The following UQCC1 variants were observed in gnomAD, a reference collection of about 807,000 sequenced individuals.
UQCC1 encodes the protein ubiquinol-cytochrome c reductase complex assembly factor 1.
Under a neutral mutation model 48.0 loss-of-function variants are expected in UQCC1, and 38 were observed. That is an observed-to-expected ratio of 0.79 (90% CI 0.61 to 1.04). The LOEUF (loss-of-function observed/expected upper bound fraction) is 1.04. UQCC1 is among the 50% of genes least tolerant of loss of function. The pLI is 0.00. For synonymous variants in UQCC1, 111 were observed against 129.2 expected (o/e 0.86, Z 0.95); for missense variants, 368 against 381.8 (o/e 0.96, Z 0.30).
chr20:35,390,780 G>A (rs1029774744), intron 2 of UQCC1, among the ~76,000 whole-genome samples: 2 of 152,036 alleles, frequency 1.3e-5, no homozygotes. Context: ...TAACCAAGTG[G>A]CCAAAGTTAT....
chr20:35,309,630 T>G (rs2060968629), intron 8 of UQCC1, among the ~76,000 whole-genome samples: 2 of 152,134 alleles, frequency 1.3e-5, no homozygotes, highest in Non-Finnish European at 2.9e-5. Context: ...CCCAATCTAA[T>G]CGGGTGCCTA....
At chr20:35,392,156 C>T (rs193073927) in intron 2 of UQCC1, 33 of 1,049,118 alleles carry the variant, frequency 3.1e-5, no homozygotes, top group Admixed American at 1.9e-4. Flanking sequence ...ACGCAGCTCA[C>T]ACATCCCATT....
intron 6 of UQCC1, among the ~76,000 whole-genome samples, chr20:35,353,404 A>G (rs2061512509): frequency 6.6e-6 from 1 of 151,960 alleles, no homozygotes; most frequent in Admixed American, 6.6e-5. Context: ...TAAAAAAAAA[A>G]AAAAAAATTT....
chr20:35,392,952 A>G (rs2062030354), intron 2 of UQCC1, among the ~76,000 whole-genome samples: 1 of 152,134 alleles, frequency 6.6e-6, no homozygotes, highest in South Asian at 2.1e-4. Context: ...GAAATGCCAT[A>G]AGCATACAAT....
intron 7 of UQCC1, among the ~76,000 whole-genome samples, chr20:35,316,043 T>C (rs1024943529): frequency 2.0e-5 from 3 of 152,268 alleles, no homozygotes; most frequent in African/African-American, 4.8e-5. Flanking sequence ...AGGGTACAAC[T>C]CTGACCTCCA....
At chr20:35,411,301 C>T (rs1410372323) in intron 1 of UQCC1, among the ~76,000 whole-genome samples, 2 of 152,162 alleles carry the variant, frequency 1.3e-5, no homozygotes, top group Non-Finnish European at 2.9e-5. Flanking sequence ...GGTAGTCTTT[C>T]CTTACTTCAT....
intron 7 of UQCC1, among the ~76,000 whole-genome samples, chr20:35,323,794 TCTTC>T (rs980705340): frequency 3.9e-5 from 6 of 152,216 alleles, no homozygotes; most frequent in Non-Finnish European, 8.8e-5. Context: ...TCTCTGCATT[TCTTC>T]CTTATGTTCA....
At chr20:35,313,374 T>TTA (rs1463186090) in intron 8 of UQCC1, among the ~76,000 whole-genome samples, 1 of 45,468 alleles carries the variant, frequency 2.2e-5, no homozygotes, top group Non-Finnish European at 4.0e-5. Flanking sequence ...AGACTCTGTC[T>TTA]AAAAAAAAAA....
chr20:35,360,869 C>T lies in UQCC1; in HGVS notation c.464+5688G>A, dbSNP rs1307064112. ...ACATGTTCATACTCAGGGGAAGAGA[C>T]CCCTATCCCCTGACCACCAAATAGG... On this transcript the variant is annotated intron_variant, in intron 6 of 9. Coordinates refer to ENST00000374385, the MANE Select transcript of UQCC1 (RefSeq NM_018244.5). Among the ~76,000 whole-genome samples, 4 of 152,074 alleles carry T rather than the reference C, an allele frequency of 2.6e-5. No homozygotes were observed. The East Asian group carries it at 5.8e-4, about 22-fold the overall frequency.
rs568255804 is a variant in UQCC1 at position 35,332,373 on chromosome 20, A to G, written c.573+14791T>C. Among the ~76,000 whole-genome samples the G allele has an allele frequency of 4.6e-5, 7 of 152,380 alleles. No individual in the cohort carries two copies. In the South Asian group the frequency reaches 1.0e-3, roughly 23 times the overall value. On this transcript the variant is annotated intron_variant, in intron 7 of 9. Transcript: ENST00000374385. ...CTTCTTGCTCCTTTGGTAAGTACTG[A>G]AAATGGAACAGGACTAGAAGGTATG...
intron 7 of UQCC1, among the ~76,000 whole-genome samples, chr20:35,326,251 A>T (rs1472323989): frequency 6.6e-6 from 1 of 152,226 alleles, no homozygotes; most frequent in Non-Finnish European, 1.5e-5. Context: ...GTAGATGAGG[A>T]GGAGGAAAGG....
chr20:35,387,121 CA>C (rs796238388), intron 2 of UQCC1, among the ~76,000 whole-genome samples: 2 of 147,630 alleles, frequency 1.4e-5, no homozygotes, highest in East Asian at 2.0e-4. Context: ...TACCCCCCTC[CA>C]AAAAAAAACA....
intron 5 of UQCC1, among the ~76,000 whole-genome samples, chr20:35,369,256 C>T (rs534853976): frequency 1.3e-5 from 2 of 152,268 alleles, no homozygotes; most frequent in South Asian, 2.1e-4. Flanking sequence ...TGATTGAGTC[C>T]CTATACACAC....
chr20:35,333,701 G>C (rs2061283927), intron 7 of UQCC1, among the ~76,000 whole-genome samples: 1 of 152,182 alleles, frequency 6.6e-6, no homozygotes, highest in Admixed American at 6.5e-5. Flanking sequence ...GGTGTACAGA[G>C]AAGTACTTCA....
chr20:35,391,059 G>A (rs1294039039), intron 2 of UQCC1, among the ~76,000 whole-genome samples: 1 of 151,978 alleles, frequency 6.6e-6, no homozygotes, highest in African/African-American at 2.4e-5. Flanking sequence ...AGCTGGGTGT[G>A]GTGGCGGGCA....
chr20:35,316,665 G>C (rs1236588114), intron 7 of UQCC1, among the ~76,000 whole-genome samples: 3 of 152,122 alleles, frequency 2.0e-5, no homozygotes, highest in Non-Finnish European at 2.9e-5. Context: ...TTGAGACAGA[G>C]TCTCGCTCTG....
intron 6 of UQCC1, among the ~76,000 whole-genome samples, chr20:35,364,051 C>T (rs1243567524): frequency 2.0e-5 from 3 of 152,182 alleles, no homozygotes; most frequent in Non-Finnish European, 4.4e-5. Flanking sequence ...TTCCTGGTGA[C>T]CCTTCCACTA....
At chr20:35,389,702 A>G (rs1459934000) in intron 2 of UQCC1, among the ~76,000 whole-genome samples, 1 of 152,274 alleles carries the variant, frequency 6.6e-6, no homozygotes, top group Non-Finnish European at 1.5e-5. Flanking sequence ...CTTACAACAG[A>G]GTTCCAGTTA....
At chr20:35,397,314 G>A (rs898976487) in intron 1 of UQCC1, among the ~76,000 whole-genome samples, 4 of 151,728 alleles carry the variant, frequency 2.6e-5, no homozygotes, top group African/African-American at 7.3e-5. Context: ...AGGAGATCGA[G>A]ACCATCGTGG....
Sources: allele counts gnomAD v4.1 joint callset (sites outside exome capture counted in the v4.1 genomes callset), GRCh38; gene constraint gnomAD v4.1.1; transcripts MANE v1.5; gene names NCBI Gene and HGNC (gene_info 2026-07-23, HGNC 2026-07-21).